Variants in SLC25A21 observed in about 807,000 individuals in gnomAD.
The protein encoded by SLC25A21 is mitochondrial 2-oxodicarboxylate carrier.
A neutral mutation model predicts 43.8 loss-of-function variants in SLC25A21; 47 were observed. The observed-to-expected ratio is 1.07, with a 90% confidence interval of 0.85 to 1.37. The LOEUF (loss-of-function observed/expected upper bound fraction) is 1.37. SLC25A21 is among the 40% of genes most tolerant of loss of function. SLC25A21 has a pLI of 0.00. For synonymous variants in SLC25A21, 131 were observed against 121.3 expected (o/e 1.08, Z -0.52); for missense variants, 352 against 350.2 (o/e 1.00, Z -0.04).
chr14:36,956,382 G>A (rs1265150221), intron 1 of SLC25A21, among the ~76,000 whole-genome samples: 2 of 152,040 alleles, frequency 1.3e-5, no homozygotes, highest in African/African-American at 2.4e-5. Flanking sequence ...AAAACCTCTC[G>A]TAGAAATGGT....
intron 9 of SLC25A21, among the ~76,000 whole-genome samples, chr14:36,682,681 A>G (rs1046100786): frequency 6.6e-6 from 1 of 152,184 alleles, no homozygotes; most frequent in Non-Finnish European, 1.5e-5. Flanking sequence ...ATACTGGCAG[A>G]GATGCACAAA....
chr14:36,762,186 C>T (rs747889027), intron 3 of SLC25A21, among the ~76,000 whole-genome samples: 3 of 152,186 alleles, frequency 2.0e-5, no homozygotes, highest in Non-Finnish European at 4.4e-5. Context: ...AAAATTGTAT[C>T]TCAACAGTAA....
chr14:36,955,871 G>T (rs1959327293), intron 1 of SLC25A21, among the ~76,000 whole-genome samples: 2 of 152,128 alleles, frequency 1.3e-5, no homozygotes, highest in African/African-American at 4.8e-5. Context: ...AAAAAGTAGG[G>T]ACTGTTCAAA....
chr14:36,865,246 C>T (rs375261656), intron 2 of SLC25A21, among the ~76,000 whole-genome samples: 121 of 152,012 alleles, frequency 8.0e-4, no homozygotes, highest in African/African-American at 2.8e-3. Context: ...AAAGCAGCCT[C>T]TCACCATACC....
At chr14:37,041,971 T>A (rs1031293296) in intron 1 of SLC25A21, among the ~76,000 whole-genome samples, 1 of 152,190 alleles carries the variant, frequency 6.6e-6, no homozygotes, top group African/African-American at 2.4e-5. Context: ...CTCCAATGAA[T>A]CAATCCTCAT....
chr14:36,694,040 G>C (rs575899312), intron 7 of SLC25A21, among the ~76,000 whole-genome samples: 1,661 of 152,110 alleles, frequency 0.011, 26 homozygotes, highest in Non-Finnish European at 0.012. Flanking sequence ...TTAGGTATTT[G>C]TCCTAATGCT....
At chr14:36,685,801 G>A (rs781368517) in intron 7 of SLC25A21, among the ~76,000 whole-genome samples, 1 of 152,066 alleles carries the variant, frequency 6.6e-6, no homozygotes, top group Non-Finnish European at 1.5e-5. Flanking sequence ...TTTGTGCCCT[G>A]TGAGCTCACA....
intron 3 of SLC25A21, among the ~76,000 whole-genome samples, chr14:36,776,484 C>T (rs1193641745): frequency 6.6e-6 from 1 of 151,728 alleles, no homozygotes; most frequent in Admixed American, 6.6e-5. Context: ...GTGATCCACC[C>T]GCCTCGGCTA....
chr14:37,078,423 T>C (rs1438680305), intron 1 of SLC25A21, among the ~76,000 whole-genome samples: 1 of 152,078 alleles, frequency 6.6e-6, no homozygotes, highest in Non-Finnish European at 1.5e-5. Flanking sequence ...GGATAAGGAA[T>C]AGGTCCACCA....
At chr14:36,868,315 AAAACAATAT>A (rs1204113948) in intron 2 of SLC25A21, among the ~76,000 whole-genome samples, 3 of 152,144 alleles carry the variant, frequency 2.0e-5, no homozygotes, top group African/African-American at 7.2e-5. Context: ...ACAGAACTAT[AAAACAATAT>A]ATACAGATGT....
At chr14:36,870,373 G>C (rs1890335314) in intron 2 of SLC25A21, 1 of 152,224 alleles carries the variant, frequency 6.6e-6, no homozygotes, top group African/African-American at 2.4e-5. Context: ...TAAAGGCTCT[G>C]AAGGAGAATC....
chr14:36,723,285 G>A (rs1238119199), intron 6 of SLC25A21, among the ~76,000 whole-genome samples: 1 of 152,154 alleles, frequency 6.6e-6, no homozygotes, highest in African/African-American at 2.4e-5. Flanking sequence ...TCAATTTGAT[G>A]AACATTGCCC....
chr14:37,162,627 G>A (rs898975823), intron 1 of SLC25A21, among the ~76,000 whole-genome samples: 20 of 152,238 alleles, frequency 1.3e-4, no homozygotes, highest in African/African-American at 3.4e-4. Context: ...CAATCATTAA[G>A]AAGTCAGGAA....
At chr14:36,807,649 T>C (rs1888090513) in intron 3 of SLC25A21, among the ~76,000 whole-genome samples, 1 of 152,150 alleles carries the variant, frequency 6.6e-6, no homozygotes, top group Admixed American at 6.5e-5. Flanking sequence ...CCCAGCCATG[T>C]TAGACTAGGT....
intron 2 of SLC25A21, among the ~76,000 whole-genome samples, chr14:36,857,692 T>C (rs542080338): frequency 6.6e-6 from 1 of 152,284 alleles, no homozygotes; most frequent in Non-Finnish European, 1.5e-5. Flanking sequence ...CAGCTGCTTG[T>C]ATATGAAGCA....
At chr14:36,748,300 G>A (rs1885576210) in intron 3 of SLC25A21, among the ~76,000 whole-genome samples, 1 of 152,168 alleles carries the variant, frequency 6.6e-6, no homozygotes. Flanking sequence ...GTTTCTGCAC[G>A]GAGCTAAAAT....
rs1962803867 is a variant in SLC25A21, at chr14:37,100,822, T to C, written c.70+71459A>G. On this transcript the variant is annotated intron_variant, in intron 1 of 9. Coordinates refer to ENST00000331299, the MANE Select transcript of SLC25A21 (RefSeq NM_030631.4). The stretch of plus-strand genomic sequence containing the variant: ...AACCTCAGTTTCCGTATGAAAGGAA[T>C]TAGGAAAATAATACCTATTATTGGG... Among the ~76,000 whole-genome samples the C allele has an allele frequency of 2.0e-5, 3 of 152,206 alleles. No homozygotes were observed. In the South Asian group the frequency reaches 6.2e-4, roughly 31 times the overall value.
chr14:36,704,223 A>T (rs938918558), intron 7 of SLC25A21, among the ~76,000 whole-genome samples: 25 of 152,228 alleles, frequency 1.6e-4, no homozygotes, highest in Admixed American at 1.6e-3. Flanking sequence ...GACCGAGGAT[A>T]CGAAAGGGAG....
intron 2 of SLC25A21, among the ~76,000 whole-genome samples, chr14:36,830,185 T>C (rs750872541): frequency 2.0e-5 from 3 of 152,214 alleles, no homozygotes; most frequent in Admixed American, 6.5e-5. Context: ...AGATATGTCA[T>C]AGAGTATTGC....
Sources: gnomAD v4.1 joint callset for allele counts (sites outside exome capture counted in the v4.1 genomes callset) on GRCh38, gnomAD v4.1.1 for gene constraint, MANE v1.5 for transcripts, NCBI Gene and HGNC (gene_info 2026-07-23, HGNC 2026-07-21) for gene names.